The following LMBR1 variants were observed in gnomAD, a reference collection of about 807,000 sequenced individuals.
LMBR1 encodes limb development membrane protein 1.
Under a neutral mutation model 73.9 loss-of-function variants are expected in LMBR1, and 52 were observed. The ratio of observed to expected loss-of-function variants is 0.70; its 90% CI spans 0.56 to 0.89. LMBR1 has a LOEUF of 0.89. Ranked by LOEUF, LMBR1 falls within the 40% of genes least tolerant of loss-of-function variation. The probability of loss-of-function intolerance (pLI) is 0.00; values close to 1 mark genes in which losing one functional copy is unlikely to be tolerated. For synonymous variants in LMBR1, 215 were observed against 209.4 expected, an observed-to-expected ratio of 1.03 and a Z score of -0.23; for missense variants, 539 against 579.8, an observed-to-expected ratio of 0.93 and a Z score of 0.72.
intron 15 of LMBR1, among the ~76,000 whole-genome samples, chr7:156,720,567 A>T (rs1814323195): frequency 6.6e-6 from 1 of 152,086 alleles, no homozygotes. Flanking sequence ...ATTCTTAAAG[A>T]TCTCAACTGT....
chr7:156,773,236 T>A (rs185934572), intron 5 of LMBR1, among the ~76,000 whole-genome samples: 1 of 152,250 alleles, frequency 6.6e-6, no homozygotes, highest in African/African-American at 2.4e-5. Context: ...TGTTCATGGA[T>A]AGGAAGAATC....
chr7:156,760,603 A>G (rs1443352064), intron 8 of LMBR1, among the ~76,000 whole-genome samples: 1 of 152,236 alleles, frequency 6.6e-6, no homozygotes, highest in Non-Finnish European at 1.5e-5. Flanking sequence ...AAACTAAATG[A>G]ATTCAATGTC....
chr7:156,754,173 C>T (rs1400268732), intron 9 of LMBR1, among the ~76,000 whole-genome samples: 2 of 152,160 alleles, frequency 1.3e-5, no homozygotes, highest in African/African-American at 4.8e-5. Flanking sequence ...TATTAACATT[C>T]CATGAAACAA....
At chr7:156,811,242 G>GTT (rs11449799) in intron 4 of LMBR1, among the ~76,000 whole-genome samples, 4 of 151,910 alleles carry the variant, frequency 2.6e-5, no homozygotes, top group East Asian at 1.9e-4. Context: ...CTAGAATTTT[G>GTT]TTTTTTTACA....
At chr7:156,715,300 TTAAAAA>T (rs1812978614) in intron 15 of LMBR1, among the ~76,000 whole-genome samples, 1 of 152,080 alleles carries the variant, frequency 6.6e-6, no homozygotes, top group Non-Finnish European at 1.5e-5. Context: ...AATTAACTAT[TTAAAAA>T]TAAACAGTTC....
At chr7:156,815,230 C>A in intron 4 of LMBR1, among the ~76,000 whole-genome samples, 1 of 144,796 alleles carries the variant, frequency 6.9e-6, no homozygotes. Flanking sequence ...CATATAACAA[C>A]AACAAAATGA....
intron 9 of LMBR1, among the ~76,000 whole-genome samples, chr7:156,751,120 A>G (rs1325605438): frequency 6.6e-6 from 1 of 152,182 alleles, no homozygotes; most frequent in Non-Finnish European, 1.5e-5. Flanking sequence ...AATAAATATA[A>G]TTAAATAAAT....
intron 2 of LMBR1, among the ~76,000 whole-genome samples, chr7:156,836,582 T>C (rs1266244988): frequency 5.9e-5 from 9 of 152,188 alleles, no homozygotes; most frequent in African/African-American, 1.7e-4. Context: ...CTATTCTTAG[T>C]TGGACATAAG....
chr7:156,879,648 A>C (rs1800752609), intron 1 of LMBR1, among the ~76,000 whole-genome samples: 1 of 137,924 alleles, frequency 7.3e-6, no homozygotes, highest in African/African-American at 2.7e-5. Flanking sequence ...TGGGTGACAG[A>C]GCGAGACTCT....
chr7:156,673,876 A>C (rs1803154705), downstream of LMBR1, among the ~76,000 whole-genome samples: 1 of 150,748 alleles, frequency 6.6e-6, no homozygotes, highest in African/African-American at 2.5e-5. Context: ...TTAAATACAC[A>C]CTACGTTCTG....
At chr7:156,827,420 C>T (rs1296238914) in intron 3 of LMBR1, among the ~76,000 whole-genome samples, 2 of 151,932 alleles carry the variant, frequency 1.3e-5, no homozygotes, top group African/African-American at 2.4e-5. Flanking sequence ...AAATGTAAAA[C>T]ATGTTCTCCC....
chr7:156,675,889 C>T, downstream of LMBR1: 1 of 1,604,756 alleles, frequency 6.2e-7, no homozygotes, highest in Non-Finnish European at 8.5e-7. Flanking sequence ...AGCCTGGCAA[C>T]CAGCAGACTC....
downstream of LMBR1, among the ~76,000 whole-genome samples, chr7:156,673,165 C>T (rs1171485526): frequency 6.6e-6 from 1 of 152,164 alleles, no homozygotes; most frequent in Non-Finnish European, 1.5e-5. Flanking sequence ...TCAGAACATA[C>T]CTCACAAGTT....
intron 1 of LMBR1, among the ~76,000 whole-genome samples, chr7:156,862,070 G>C (rs1797798925): frequency 6.6e-6 from 1 of 152,180 alleles, no homozygotes; most frequent in Non-Finnish European, 1.5e-5. Flanking sequence ...TGAATTTACT[G>C]TATTAGCCTG....
rs897573489 is a variant in LMBR1 at position 156,892,715 on chromosome 7, G to A, written c.66+213C>T. 2.9e-4 allele frequency: 107 copies of A among 368,972 alleles called. 2 individuals carry two copies. In the East Asian group the frequency reaches 3.4e-3, roughly 12 times the overall value. 22.9% of individuals were successfully genotyped at this position (368,972 alleles called of 1,614,324 possible). On this transcript the variant is annotated intron_variant, in intron 1 of 16. Transcript: ENST00000353442. Reference sequence around the variant, plus strand: ...GAGCGGAGCGGGGGGGCAGGCAGAGGAAGCGAAGGGGAGGGGAGGGGAGAG... The same window carrying A: ...GAGCGGAGCGGGGGGGCAGGCAGAGAAAGCGAAGGGGAGGGGAGGGGAGAG...
intron 5 of LMBR1, among the ~76,000 whole-genome samples, chr7:156,782,516 G>A (rs1043037170): frequency 5.9e-5 from 9 of 152,078 alleles, no homozygotes; most frequent in Admixed American, 2.0e-4. Context: ...ATCCTACTAG[G>A]AGGTATCTCA....
downstream of LMBR1, among the ~76,000 whole-genome samples, chr7:156,674,105 G>A (rs113893037): frequency 8.7e-3 from 1,319 of 152,246 alleles, 11 homozygotes; most frequent in Non-Finnish European, 0.012. Flanking sequence ...CTGCTGAATC[G>A]GCACTTCTCA....
chr7:156,857,215 G>C (rs568014931), intron 1 of LMBR1, among the ~76,000 whole-genome samples: 1 of 152,200 alleles, frequency 6.6e-6, no homozygotes, highest in East Asian at 1.9e-4. Context: ...AAAAGAGACA[G>C]AGTGGATAAA....
At position 156,716,648 on chromosome 7, in the gene LMBR1, G is replaced by A. The variant is rs532517554; in HGVS notation, c.1225+7464C>T. On this transcript the variant is annotated intron_variant, in intron 15 of 16. Transcript: ENST00000353442. ...AATTAAATATGTCCTTATTTCTTTTGGTTTGGTTTGATGTCTTCTTTCTCT... is the reference window on the plus strand; with the variant it reads ...AATTAAATATGTCCTTATTTCTTTTAGTTTGGTTTGATGTCTTCTTTCTCT... 9.2e-5 allele frequency among the ~76,000 whole-genome samples: 14 copies of A among 152,226 alleles called. No homozygotes were observed. In the South Asian group the frequency reaches 2.3e-3, roughly 25 times the overall value.
Sources: allele counts gnomAD v4.1 joint callset (sites outside exome capture counted in the v4.1 genomes callset), GRCh38; gene constraint gnomAD v4.1.1; transcripts MANE v1.5; gene names NCBI Gene and HGNC (gene_info 2026-07-23, HGNC 2026-07-21).